The following CEP290 variants were observed in gnomAD, a reference collection of about 807,000 sequenced individuals.
CEP290 encodes the protein centrosomal protein 290.
A neutral mutation model predicts 344.9 loss-of-function variants in CEP290; 317 were observed. That is an observed-to-expected ratio of 0.92 (90% CI 0.84 to 1.01). The LOEUF (loss-of-function observed/expected upper bound fraction) is 1.01. Among genes scored for constraint, CEP290 ranks in the 50% least tolerant of loss-of-function variants. The pLI, the probability that CEP290 is intolerant of heterozygous loss-of-function variation, is 0.00. For missense variants in CEP290, 2,754 were observed against 2,761.4 expected, an observed-to-expected ratio of 1.00 and a Z score of 0.06; for synonymous variants, 932 against 895.8, an observed-to-expected ratio of 1.04 and a Z score of -0.72.
rs537940187 is a variant in CEP290, at chr12:88,097,301, C to T, written c.2992-302G>A. Among the ~76,000 whole-genome samples the T allele has an allele frequency of 2.6e-5, 4 of 152,048 alleles. No homozygotes were observed. In the South Asian group the frequency reaches 6.2e-4, roughly 24 times the overall value. On this transcript the variant is annotated intron_variant, in intron 26 of 53. Transcript: ENST00000552810. Reference sequence around the variant, plus strand: ...GGGATTTGGTGGGAGGTAATTGAATCGTGGGGGTGGTTTCCCCCACGCTAT... The same window carrying T: ...GGGATTTGGTGGGAGGTAATTGAATTGTGGGGGTGGTTTCCCCCACGCTAT...
intron 26 of CEP290, among the ~76,000 whole-genome samples, chr12:88,100,269 CAA>C (rs1027496923): frequency 7.1e-6 from 1 of 140,670 alleles, no homozygotes. Flanking sequence ...GACTCTGTTT[CAA>C]AAAAAAAAAC....
In CEP290 at chr12:88,131,215, C is replaced by T. The variant is rs2040046847; in HGVS notation, c.445G>A (p.Ala149Thr). The T allele has an allele frequency of 6.7e-7, 1 of 1,494,884 alleles. No individual in the cohort carries two copies. Among genetic ancestry groups the T allele is most frequent in the East Asian group, 2.6e-5 (1 of 38,618 alleles). 92.6% of individuals were successfully genotyped at this position (1,494,884 alleles called of 1,614,324 possible). A position where few individuals can be genotyped will look rare whatever the true frequency, so the allele number is the denominator to read the frequency against. Reference protein sequence around the residue: ...EKEKKVNEQLALRNEEAENEN... With the variant: ...EKEKKVNEQLTLRNEEAENEN... ...TTTTCTGCCTCCTCATTTCGAAGAG[C>T]CAACTAAAATAGTAAAAAAAAAAAA... Residue 149 changes from alanine to threonine, a missense_variant, in exon 7 of 54, where the codon GCT becomes ACT. By Grantham distance (58) the Ala-to-Thr change is moderately conservative. Transcript: ENST00000552810.
At position 88,053,683 on chromosome 12, in the gene CEP290, C is replaced by T; in HGVS notation, c.7098G>A (p.Lys2366=). Residue 2366 remains lysine, a synonymous_variant, in exon 52 of 54, where the codon AAG becomes AAA. Coordinates refer to ENST00000552810, the MANE Select transcript of CEP290 (RefSeq NM_025114.4). The part of the protein sequence containing the change: ...AELIHQIEAN[K]DQSGAESTIP... ...TGGTGCTTTCAGCTCCACTTTGGTC[C>T]TTGTTAGCTTCTATCTGATGGATTA... The T allele has an allele frequency of 6.5e-7, 1 of 1,550,342 alleles. No homozygotes were observed. Among genetic ancestry groups the T allele is most frequent in the Non-Finnish European group, 8.7e-7 (1 of 1,144,422 alleles).
rs551880243 is a variant in CEP290, at chr12:88,112,914, T to C, written c.2053-1056A>G. On this transcript the variant is annotated intron_variant, in intron 20 of 53. Transcript: ENST00000552810. ...AATAGTGCCGTGTCTACATGGACTTTGGTAAAATGAGAATGAGTTAAGATA... is the reference window on the plus strand; with the variant it reads ...AATAGTGCCGTGTCTACATGGACTTCGGTAAAATGAGAATGAGTTAAGATA... Among the ~76,000 whole-genome samples, 10 of 152,198 alleles carry C rather than the reference T, an allele frequency of 6.6e-5. No individual in the cohort carries two copies. In the South Asian group the frequency reaches 2.1e-3, roughly 32 times the overall value.
At chr12:88,133,273 G>C (rs918212717) in intron 6 of CEP290, among the ~76,000 whole-genome samples, 1 of 151,862 alleles carries the variant, frequency 6.6e-6, no homozygotes, top group African/African-American at 2.4e-5. Flanking sequence ...TTTTTGTAGA[G>C]ATGGGGTTTC....
chr12:88,068,188 T>G (rs1297673273), intron 44 of CEP290, among the ~76,000 whole-genome samples: 1 of 152,190 alleles, frequency 6.6e-6, no homozygotes, highest in African/African-American at 2.4e-5. Context: ...AATATTTGAA[T>G]GAAAACAGTC....
At chr12:88,090,030 AG>A (rs1179719820) in intron 30 of CEP290, among the ~76,000 whole-genome samples, 2 of 151,802 alleles carry the variant, frequency 1.3e-5, no homozygotes, top group African/African-American at 4.8e-5. Flanking sequence ...TGACTGTTAC[AG>A]TTTTTTTTTA....
At chr12:88,062,671 G>C in intron 46 of CEP290, 21 bp downstream of exon 46, 2 of 1,534,952 alleles carry the variant, frequency 1.3e-6, no homozygotes, top group Non-Finnish European at 1.8e-6. Context: ...CAAAACAAAT[G>C]TATGGTAAAT....
At chr12:88,129,498 A>G (rs1333563370) in intron 10 of CEP290, among the ~76,000 whole-genome samples, 196 bp downstream of exon 10, 1 of 151,900 alleles carries the variant, frequency 6.6e-6, no homozygotes, top group African/African-American at 2.4e-5. Flanking sequence ...TATATATCCT[A>G]AATTGCAAAA....
At chr12:88,066,876 T>C (rs1446503300) in intron 44 of CEP290, among the ~76,000 whole-genome samples, 1 of 152,142 alleles carries the variant, frequency 6.6e-6, no homozygotes, top group Non-Finnish European at 1.5e-5. Flanking sequence ...GCAATCTTCC[T>C]GCCCCTGCCT....
chr12:88,129,836 T>C lies in CEP290; in HGVS notation c.710A>G (p.Gln237Arg). Reference sequence around the variant, plus strand: ...CTCTTCTAAATTTTTTCTCATTTCTTGATTCTGAACTTCAATTTTCTCATT... The same window carrying C: ...CTCTTCTAAATTTTTTCTCATTTCTCGATTCTGAACTTCAATTTTCTCATT... The part of the protein sequence containing the change: ...EANEKIEVQN[Q>R]EMRKNLEESV... The change falls in exon 10 of 54, where the codon CAA becomes CGA. Residue 237 changes from glutamine (Q) to arginine (R), a missense_variant. Gln to Arg is a conservative substitution (Grantham distance 43, BLOSUM62 1). Transcript: ENST00000552810. 2 of 1,464,940 alleles carry C rather than the reference T, an allele frequency of 1.4e-6. No homozygotes were observed. Among genetic ancestry groups the C allele is most frequent in the Admixed American group, 3.0e-5 (1 of 33,230 alleles). 90.7% of individuals were successfully genotyped at this position (1,464,940 alleles called of 1,614,324 possible). A position where few individuals can be genotyped will look rare whatever the true frequency, so the allele number is the denominator to read the frequency against.
intron 11 of CEP290, among the ~76,000 whole-genome samples, chr12:88,127,222 T>A (rs1326216181): frequency 6.6e-6 from 1 of 151,996 alleles, no homozygotes; most frequent in African/African-American, 2.4e-5. Context: ...CCAGGCAGAG[T>A]CACACCTGTA....
chr12:88,057,275 C>G (rs137979372), intron 49 of CEP290, among the ~76,000 whole-genome samples: 2 of 152,224 alleles, frequency 1.3e-5, no homozygotes, highest in Admixed American at 1.3e-4. Context: ...AGGGAAGCCA[C>G]CTGGTCCTTT....
intron 13 of CEP290, 125 bp from the exon 14 acceptor site, chr12:88,121,291 ATAT>A: frequency 1.5e-6 from 1 of 673,166 alleles, no homozygotes; most frequent in Non-Finnish European, 2.4e-6. Flanking sequence ...TTGTCATTTT[ATAT>A]TTGTAAGATG....
chr12:88,058,550 C>T, intron 49 of CEP290: 1 of 351,298 alleles, frequency 2.8e-6, no homozygotes, highest in Non-Finnish European at 5.1e-6. Context: ...AGCCTCAGCC[C>T]AGGCTCATAG....
At chr12:88,058,823 T>C (rs2034227146) in intron 49 of CEP290, 25 bp downstream of exon 49, 1 of 1,607,406 alleles carries the variant, frequency 6.2e-7, no homozygotes, top group Admixed American at 1.7e-5. Flanking sequence ...TTAAACTTTG[T>C]ACAAGTTTAA....
chr12:88,069,551 A>C (rs1592775184), intron 43 of CEP290, among the ~76,000 whole-genome samples: 1 of 152,360 alleles, frequency 6.6e-6, no homozygotes, highest in South Asian at 2.1e-4. Context: ...GAGTAACTAT[A>C]AACAGATGTC....
intron 3 of CEP290, among the ~76,000 whole-genome samples, chr12:88,140,530 T>C (rs1399771219): frequency 6.6e-6 from 1 of 152,222 alleles, no homozygotes; most frequent in Non-Finnish European, 1.5e-5. Context: ...TATTTATTTA[T>C]GGTAACCAAC....
rs1410951893 is a variant in CEP290, at chr12:88,080,370, C to G, written c.5038G>C (p.Val1680Leu). ...LQLQENHEDE[V>L]KKVKAEVEDL... ...TCTACTTCCGCTTTTACTTTTTTCA[C>G]TTCATCTTCATGGTTTTCTTGAAGC... Residue 1680 changes from valine (V) to leucine (L), a missense_variant, in exon 38 of 54, where the codon GTG becomes CTG. Physicochemically the swap from Val to Leu is conservative, Grantham distance 32. Transcript: ENST00000552810. 3 of 1,612,608 alleles carry G rather than the reference C, an allele frequency of 1.9e-6. No homozygotes were observed. Among genetic ancestry groups the G allele is most frequent in the Non-Finnish European group, 2.5e-6 (3 of 1,179,234 alleles).
Sources: gnomAD v4.1 joint callset for allele counts (sites outside exome capture counted in the v4.1 genomes callset) on GRCh38, gnomAD v4.1.1 for gene constraint, MANE v1.5 for transcripts, NCBI Gene and HGNC (gene_info 2026-07-23, HGNC 2026-07-21) for gene names.